Variants in ALKAL1 observed in about 807,000 individuals in gnomAD.
ALKAL1 encodes the protein AUG-beta.
ALKAL1 carries 23 observed loss-of-function variants against 13.5 expected under a neutral mutation model. The ratio of observed to expected loss-of-function variants is 1.70; its 90% CI spans 1.23 to 2.41. The LOEUF (loss-of-function observed/expected upper bound fraction) is 2.41, where lower values mean the gene tolerates loss of function less well. Among genes scored for constraint, ALKAL1 ranks in the 30% most tolerant of loss-of-function variants. The pLI is 0.00. For missense variants in ALKAL1, 181 were observed against 178.4 expected, an observed-to-expected ratio of 1.01 and a Z score of -0.08; for synonymous variants, 85 against 77.7, an observed-to-expected ratio of 1.09 and a Z score of -0.49.
intron 4 of ALKAL1, among the ~76,000 whole-genome samples, chr8:52,537,949 A>G (rs1169240504): frequency 1.3e-5 from 2 of 152,056 alleles, no homozygotes; most frequent in Non-Finnish European, 2.9e-5. Context: ...TACAAAAATT[A>G]GCCGGGCATG....
chr8:52,539,915 G>C lies in ALKAL1; in HGVS notation c.245-4C>G. 9 of 1,606,958 alleles carry C rather than the reference G, an allele frequency of 5.6e-6. No homozygotes were observed. Among genetic ancestry groups the C allele is most frequent in the Non-Finnish European group, 7.6e-6 (9 of 1,177,848 alleles). ...TCTGGTGAAAATGTGACCGGCCCTA[G>C]AGCACAGGAAAAGAATGCTTATTAT... On this transcript the variant is annotated splice_region_variant and splice_polypyrimidine_tract_variant and intron_variant, in intron 2 of 4. Coordinates refer to ENST00000358543, the MANE Select transcript of ALKAL1 (RefSeq NM_207413.4).
At chr8:52,559,068 C>T (rs1847513603) in intron 1 of ALKAL1, among the ~76,000 whole-genome samples, 4 of 152,126 alleles carry the variant, frequency 2.6e-5, no homozygotes, top group Admixed American at 2.6e-4. Flanking sequence ...AGAGCAAGAA[C>T]TCACTCCCAC....
At chr8:52,562,042 T>C (rs767737098) in intron 1 of ALKAL1, among the ~76,000 whole-genome samples, 21 of 152,210 alleles carry the variant, frequency 1.4e-4, no homozygotes, top group Non-Finnish European at 2.5e-4. Context: ...TTCCTTTCAG[T>C]GGGTGAGTGC....
At chr8:52,542,000 T>C (rs904338434) in intron 2 of ALKAL1, among the ~76,000 whole-genome samples, 1 of 152,130 alleles carries the variant, frequency 6.6e-6, no homozygotes, top group Admixed American at 6.6e-5. Context: ...TCACAGTCTG[T>C]GCACACCTGT....
chr8:52,548,766 T>G (rs1213195572), intron 1 of ALKAL1, among the ~76,000 whole-genome samples: 1 of 152,160 alleles, frequency 6.6e-6, no homozygotes, highest in East Asian at 1.9e-4. Context: ...TAAATGACTA[T>G]CTCATTCATC....
intron 1 of ALKAL1, among the ~76,000 whole-genome samples, chr8:52,564,330 G>T (rs1280555413): frequency 6.6e-6 from 1 of 152,108 alleles, no homozygotes; most frequent in Non-Finnish European, 1.5e-5. Flanking sequence ...TCCCTCCAGC[G>T]CTGCCCCAAG....
intron 1 of ALKAL1, among the ~76,000 whole-genome samples, chr8:52,551,682 AT>A (rs893919393): frequency 6.6e-6 from 1 of 151,666 alleles, no homozygotes; most frequent in Non-Finnish European, 1.5e-5. Context: ...TGTTATTTGG[AT>A]TTTTTTCTTA....
intron 1 of ALKAL1, among the ~76,000 whole-genome samples, chr8:52,545,678 A>C (rs373135834): frequency 6.6e-6 from 1 of 152,172 alleles, no homozygotes; most frequent in Admixed American, 6.5e-5. Flanking sequence ...CCTTAAGCAC[A>C]TGTCAGCAGG....
intron 1 of ALKAL1, among the ~76,000 whole-genome samples, chr8:52,547,284 G>A (rs935534086): frequency 4.6e-5 from 7 of 152,040 alleles, no homozygotes; most frequent in Non-Finnish European, 7.4e-5. Context: ...GATCACCTGA[G>A]GTCAGGAGTT....
intron 1 of ALKAL1, among the ~76,000 whole-genome samples, chr8:52,552,009 A>G (rs1236488067): frequency 9.9e-5 from 15 of 152,156 alleles, no homozygotes; most frequent in Non-Finnish European, 1.5e-5. Flanking sequence ...TACTCACTAA[A>G]GTCCATACTC....
chr8:52,563,807 C>T (rs1297413529), intron 1 of ALKAL1, among the ~76,000 whole-genome samples: 1 of 152,104 alleles, frequency 6.6e-6, no homozygotes, highest in Non-Finnish European at 1.5e-5. Flanking sequence ...CCACCTCAGC[C>T]TCCCACCTTC....
chr8:52,561,698 A>G (rs1847552188), intron 1 of ALKAL1, among the ~76,000 whole-genome samples: 1 of 152,196 alleles, frequency 6.6e-6, no homozygotes, highest in South Asian at 2.1e-4. Flanking sequence ...CTACTTATTA[A>G]GCACGTTGAT....
chr8:52,542,507 C>G lies in ALKAL1; in HGVS notation c.191-62G>C. 5.0e-6 allele frequency: 5 copies of G among 1,004,446 alleles called. No homozygotes were observed. In the South Asian group the frequency reaches 5.8e-5, roughly 12 times the overall value. 62.2% of individuals were successfully genotyped at this position (1,004,446 alleles called of 1,614,324 possible). On this transcript the variant is annotated intron_variant, in intron 1 of 4. Coordinates refer to ENST00000358543, the MANE Select transcript of ALKAL1 (RefSeq NM_207413.4). ...TGCATTTCTCCCATTTAAAAATATC[C>G]TTAATATGCTAATTACTTAATAAGG...
chr8:52,535,940 G>A (rs1041291217), intron 4 of ALKAL1, among the ~76,000 whole-genome samples: 2 of 145,246 alleles, frequency 1.4e-5, no homozygotes, highest in East Asian at 2.4e-4. Context: ...AGTCCTCTAT[G>A]ACCATTTTTT....
At chr8:52,545,586 C>A (rs1215029052) in intron 1 of ALKAL1, among the ~76,000 whole-genome samples, 1 of 145,048 alleles carries the variant, frequency 6.9e-6, no homozygotes, top group African/African-American at 2.5e-5. Flanking sequence ...CCTTACTGAA[C>A]CCAACCAATG....
Position 52,565,252 on chromosome 8 carries a change from C to T in ALKAL1, c.5G>A (p.Arg2Gln). ...CAAAGGGGCGCCGGGCTTAAGGGGC[C>T]GCATGTTCGCAAGCCGGGAGGAGAG... is the stretch of plus-strand genomic sequence containing the variant. The part of the protein sequence containing the change: M[R>Q]PLKPGAPLPA... The change falls in exon 1 of 5, where the codon CGG becomes CAG. Residue 2 changes from arginine to glutamine, a missense_variant. Physicochemically the swap from Arg to Gln is conservative, Grantham distance 43. Coordinates refer to ENST00000358543, the MANE Select transcript of ALKAL1 (RefSeq NM_207413.4). 14 of 1,309,346 alleles carry T rather than the reference C, an allele frequency of 1.1e-5. No homozygotes were observed. The South Asian group carries it at 2.8e-4, about 26-fold the overall frequency. 81.1% of individuals were successfully genotyped at this position (1,309,346 alleles called of 1,614,324 possible). A position where few individuals can be genotyped will look rare whatever the true frequency, so the allele number is the denominator to read the frequency against.
chr8:52,561,440 A>G (rs1157561135), intron 1 of ALKAL1, among the ~76,000 whole-genome samples: 1 of 152,236 alleles, frequency 6.6e-6, no homozygotes, highest in African/African-American at 2.4e-5. Context: ...CAGAGGTAAG[A>G]GAAGTGCATT....
chr8:52,537,620 C>A (rs1490655970), intron 4 of ALKAL1, among the ~76,000 whole-genome samples: 1 of 152,012 alleles, frequency 6.6e-6, no homozygotes, highest in African/African-American at 2.4e-5. Flanking sequence ...TGTATATACA[C>A]AACGGAATAC....
intron 2 of ALKAL1, among the ~76,000 whole-genome samples, chr8:52,541,974 C>T (rs1049558980): frequency 6.6e-6 from 1 of 152,010 alleles, no homozygotes. Context: ...CCAAATACGT[C>T]CCTACCTAAG....
Sources: allele counts gnomAD v4.1 joint callset (sites outside exome capture counted in the v4.1 genomes callset), GRCh38; gene constraint gnomAD v4.1.1; transcripts MANE v1.5; gene names NCBI Gene and HGNC (gene_info 2026-07-23, HGNC 2026-07-21).